DNHD1: variants seen among roughly 807,000 people sequenced by gnomAD.
DNHD1 encodes the protein dynein heavy chain domain 1.
In DNHD1, 383 loss-of-function variants were observed where a neutral mutation model predicts 458.1. The ratio of observed to expected loss-of-function variants is 0.84; its 90% CI spans 0.77 to 0.91. The LOEUF (loss-of-function observed/expected upper bound fraction) is 0.91, where lower values mean the gene tolerates loss of function less well. DNHD1 is among the 40% of genes least tolerant of loss of function. DNHD1 has a pLI of 0.00. For missense variants in DNHD1, 5,336 were observed against 5,866.1 expected (o/e 0.91, Z 2.95); for synonymous variants, 2,203 against 2,376.9 (o/e 0.93, Z 2.13).
chr11:6,527,721 GGAGAA>G (rs1852738354), intron 10 of DNHD1, among the ~76,000 whole-genome samples: 1 of 152,226 alleles, frequency 6.6e-6, no homozygotes, highest in Non-Finnish European at 1.5e-5. Context: ...GAGTACAGTT[GGAGAA>G]GAGAAGAGAT....
chr11:6,555,147 C>T (rs1221842466), intron 24 of DNHD1, among the ~76,000 whole-genome samples: 2 of 152,152 alleles, frequency 1.3e-5, no homozygotes, highest in Non-Finnish European at 2.9e-5. Context: ...CACCCTATTC[C>T]CTTACATATA....
At position 6,565,821 on chromosome 11, in the gene DNHD1, A is replaced by G; in HGVS notation, c.10883A>G (p.Asn3628Ser). The change falls in exon 33 of 43, where the codon AAT becomes AGT. Residue 3628 changes from asparagine (N) to serine (S), a missense_variant. Coordinates refer to ENST00000254579, the MANE Select transcript of DNHD1 (RefSeq NM_144666.3). ...TKEQKAEERK[N>S]EQEKEQEENE... The stretch of plus-strand genomic sequence containing the variant: ...GAGCAGAAGGCAGAGGAAAGAAAAA[A>G]TGAGCAGGAGAAAGAGCAAGAGGAA... 1 of 1,551,732 alleles carries G rather than the reference A, an allele frequency of 6.4e-7. No homozygotes were observed. Among genetic ancestry groups the G allele is most frequent in the Non-Finnish European group, 8.7e-7 (1 of 1,147,004 alleles).
intron 10 of DNHD1, among the ~76,000 whole-genome samples, chr11:6,521,567 CAAAT>C (rs1364052008): frequency 3.9e-5 from 6 of 152,024 alleles, no homozygotes; most frequent in Admixed American, 3.9e-4. Context: ...GAAGGAAAAA[CAAAT>C]AATGCAATGT....
In DNHD1 at chr11:6,559,191, G is replaced by T; in HGVS notation, c.9427G>T (p.Ala3143Ser). ...ACATTGTATCTCCAGGGTCCAGAATGCCTTGGAGAATCTGAGAATGCTGAT... is the reference window on the plus strand; with the variant it reads ...ACATTGTATCTCCAGGGTCCAGAATTCCTTGGAGAATCTGAGAATGCTGAT... Reference protein sequence around the residue: ...IKNKAQRVQNALENLRMLIKE... With the variant: ...IKNKAQRVQNSLENLRMLIKE... The change falls in exon 28 of 43, where the codon GCC becomes TCC. Residue 3143 changes from alanine to serine, a missense_variant. By Grantham distance (99) the Ala-to-Ser change is moderately conservative (BLOSUM62 1). This residue lies in a region of DNHD1 where 3,932 missense variants were observed against 4,365.6 expected (regional missense o/e 0.90). Transcript: ENST00000254579. The T allele has an allele frequency of 6.4e-7, 1 of 1,551,680 alleles. No homozygotes were observed. Among genetic ancestry groups the T allele is most frequent in the Non-Finnish European group, 8.7e-7 (1 of 1,146,978 alleles).
intron 17 of DNHD1, 58 bp from the exon 18 acceptor site, chr11:6,539,818 C>T: frequency 1.3e-6 from 2 of 1,495,524 alleles, no homozygotes; most frequent in Non-Finnish European, 1.8e-6. Context: ...AGTCTCGGCT[C>T]CAAGCCTGTC....
chr11:6,557,793 C>T lies in DNHD1; in HGVS notation c.8498C>T (p.Thr2833Ile), dbSNP rs1853499940. Reference sequence around the variant, plus strand: ...CTGATACTGGGGCCTAACTCTGAGACCCCCAACTTGTACCTGGAACGACAG... The same window carrying T: ...CTGATACTGGGGCCTAACTCTGAGATCCCCAACTTGTACCTGGAACGACAG... ...QELILGPNSE[T>I]PNLYLERQWE... The change falls in exon 25 of 43, where the codon ACC (threonine) becomes ATC (isoleucine). Residue 2833 changes from threonine to isoleucine, a missense_variant. This residue lies in a region of DNHD1 where 3,932 missense variants were observed against 4,365.6 expected (regional missense o/e 0.90). Coordinates refer to ENST00000254579, the MANE Select transcript of DNHD1 (RefSeq NM_144666.3). 1 of 1,551,442 alleles carries T rather than the reference C, an allele frequency of 6.4e-7. No homozygotes were observed. The highest frequency in any genetic ancestry group is 1.4e-5 in the African/African-American group (1 of 73,050).
Position 6,565,673 on chromosome 11 carries a change from C to A in DNHD1, c.10757-22C>A, listed in dbSNP as rs535472116. 76 of 1,530,830 alleles carry A rather than the reference C, an allele frequency of 5.0e-5. 1 individual carries two copies. In the Middle Eastern group the frequency reaches 3.8e-3, roughly 76 times the overall value. The allele number at this position is 1,530,830 out of a possible 1,614,324, so 94.8% of individuals were successfully genotyped here. A position where few individuals can be genotyped will look rare whatever the true frequency, so the allele number is the denominator to read the frequency against. On this transcript the variant is annotated intron_variant, in intron 32 of 42. Transcript: ENST00000254579. ...TCTGATTCCTCCCCTAAGAAGAGCT[C>A]CTCTGAATCTTTCTGCCCCAGGGAA...
Position 6,527,078 on chromosome 11 carries a change from C to T in DNHD1, c.1838-1444C>T, listed in dbSNP as rs529382639. ...GCCCTCATTTGTTAAAAAATGCTAT[C>T]CTTGTGTTTTTGGTTTTATTATCTA... is the stretch of plus-strand genomic sequence containing the variant. On this transcript the variant is annotated intron_variant, in intron 10 of 42. Transcript: ENST00000254579. Among the ~76,000 whole-genome samples the T allele has an allele frequency of 7.7e-4, 118 of 152,270 alleles. 1 individual carries two copies. Among genetic ancestry groups the T allele is most frequent in the African/African-American group, 2.7e-3 (113 of 41,550 alleles).
In DNHD1 at chr11:6,564,127, A is replaced by T. The variant is rs751068243; in HGVS notation, c.10284+3A>T. ...GTGCCTGGACTACACAGCTCCAGGT[A>T]ACCATCCCCCTCCCAGATGTCTCCC... is the stretch of plus-strand genomic sequence containing the variant. On this transcript the variant is annotated splice_donor_region_variant and intron_variant, in intron 31 of 42. Transcript: ENST00000254579. 1.9e-6 allele frequency: 3 copies of T among 1,546,532 alleles called. No individual in the cohort carries two copies. The African/African-American group carries it at 4.1e-5, about 21-fold the overall frequency.
At chr11:6,520,562 A>G in intron 10 of DNHD1, 2 of 1,272,084 alleles carry the variant, frequency 1.6e-6, no homozygotes, top group Non-Finnish European at 2.0e-6. Flanking sequence ...AACCTGATTC[A>G]TCCCAAACTC....
At chr11:6,564,251 C>A in intron 31 of DNHD1, 82 bp from the exon 32 acceptor site, 1 of 1,451,852 alleles carries the variant, frequency 6.9e-7, no homozygotes, top group Non-Finnish European at 9.3e-7. Flanking sequence ...CTCCACACCC[C>A]ACCTTGCCCT....
chr11:6,563,097 C>G lies in DNHD1; in HGVS notation c.9635C>G (p.Ala3212Gly). The G allele has an allele frequency of 6.4e-7, 1 of 1,551,676 alleles. No homozygotes were observed. Among genetic ancestry groups the G allele is most frequent in the Non-Finnish European group, 8.7e-7 (1 of 1,146,994 alleles). ...GAGAACCTGGCCAGGCAACGGGATG[C>G]CCTGCAAGCTCAGCGAGAGGCTTTC... ...LIENLARQRD[A>G]LQAQREAFLE... Residue 3212 changes from alanine (A) to glycine (G), a missense_variant, in exon 29 of 43, where the codon GCC becomes GGC. By Grantham distance (60) the Ala-to-Gly change is moderately conservative. Coordinates refer to ENST00000254579, the MANE Select transcript of DNHD1 (RefSeq NM_144666.3).
At chr11:6,533,299 C>A in intron 13 of DNHD1, 115 bp downstream of exon 13, 1 of 1,100,024 alleles carries the variant, frequency 9.1e-7, no homozygotes, top group Non-Finnish European at 1.3e-6. Context: ...TGCTCTTAAA[C>A]TGTGCTCGCC....
chr11:6,519,783 T>G lies in DNHD1; in HGVS notation c.1576T>G (p.Tyr526Asp), dbSNP rs367637679. Residue 526 changes from tyrosine (Y) to aspartate (D), a missense_variant, in exon 8 of 43, where the codon TAC becomes GAC. Tyr to Asp is a radical substitution (Grantham distance 160). Around this residue, in one of 4 missense-constraint regions of DNHD1, gnomAD observed 3,932 missense variants for 4,365.6 expected, o/e 0.90. Transcript: ENST00000254579. ...QLGKFARLVD[Y>D]MICQSLISVL... ...GGGAAAGTTTGCCCGCCTGGTTGAC[T>G]ACATGATTTGTCAGAGCCTCATTTC... The G allele has an allele frequency of 1.5e-4, 243 of 1,613,818 alleles. No homozygotes were observed. In the South Asian group the frequency reaches 2.6e-3, roughly 17 times the overall value.
chr11:6,499,060 G>C, intron 3 of DNHD1, 99 bp downstream of exon 3: 1 of 1,363,966 alleles, frequency 7.3e-7, no homozygotes. Context: ...CCAGCTCTCT[G>C]TTTATCACAG....
intron 10 of DNHD1, chr11:6,520,733 A>G: frequency 5.0e-6 from 5 of 1,007,496 alleles, no homozygotes; most frequent in Non-Finnish European, 5.9e-6. Flanking sequence ...GTATTGAAAT[A>G]TTTTATGGTT....
intron 3 of DNHD1, among the ~76,000 whole-genome samples, chr11:6,500,247 T>G (rs2134361971): frequency 6.6e-6 from 1 of 152,370 alleles, no homozygotes; most frequent in South Asian, 2.1e-4. Flanking sequence ...ATTACAGGCA[T>G]AAGCCACCGT....
intron 18 of DNHD1, among the ~76,000 whole-genome samples, chr11:6,542,217 G>A: frequency 6.6e-6 from 1 of 152,142 alleles, no homozygotes; most frequent in Non-Finnish European, 1.5e-5. Context: ...CTTTTGTCCT[G>A]AGCACATTTT....
Position 6,557,892 on chromosome 11 carries a change from A to G in DNHD1, c.8597A>G (p.His2866Arg). 1 of 1,551,198 alleles carries G rather than the reference A, an allele frequency of 6.4e-7. No individual in the cohort carries two copies. The highest frequency in any genetic ancestry group is 8.7e-7 in the Non-Finnish European group (1 of 1,146,974). Residue 2866 changes from histidine to arginine, a missense_variant, in exon 25 of 43, where the codon CAT becomes CGT. Around this residue, in one of 4 missense-constraint regions of DNHD1, gnomAD observed 3,932 missense variants for 4,365.6 expected, o/e 0.90. Coordinates refer to ENST00000254579, the MANE Select transcript of DNHD1 (RefSeq NM_144666.3). The part of the protein sequence containing the change: ...LKLSPHLARC[H>R]SMAQHVARLV... ...TTGAGCCCCCACCTGGCCCGGTGTCATTCCATGGCCCAGCACGTGGCCCGC... is the reference window on the plus strand; with the variant it reads ...TTGAGCCCCCACCTGGCCCGGTGTCGTTCCATGGCCCAGCACGTGGCCCGC...
Sources: gnomAD v4.1 joint callset for allele counts (sites outside exome capture counted in the v4.1 genomes callset) on GRCh38, gnomAD v4.1.1 for gene constraint, gnomAD v4.1.1 regional missense constraint, MANE v1.5 for transcripts, NCBI Gene and HGNC (gene_info 2026-07-23, HGNC 2026-07-21) for gene names.